The following AHCYL1 variants were observed in gnomAD, a reference collection of about 807,000 sequenced individuals.
AHCYL1 encodes adenosylhomocysteinase like 1.
In AHCYL1, 20 loss-of-function variants were observed where a neutral mutation model predicts 79.3. That is an observed-to-expected ratio of 0.25 (90% CI 0.18 to 0.37). AHCYL1 has a LOEUF of 0.37. Ranked by LOEUF, AHCYL1 falls within the 10% of genes least tolerant of loss-of-function variation. AHCYL1 has a pLI of 1.00. For synonymous variants in AHCYL1, 223 were observed against 242.2 expected, an observed-to-expected ratio of 0.92 and a Z score of 0.74; for missense variants, 330 against 673.6, an observed-to-expected ratio of 0.49 and a Z score of 5.65.
intron 1 of AHCYL1, 170 bp downstream of exon 1, chr1:109,985,342 C>A: frequency 3.0e-6 from 4 of 1,325,448 alleles, no homozygotes; most frequent in Non-Finnish European, 3.9e-6. Flanking sequence ...GCTGAAAGGC[C>A]GCCTCTGACC....
Position 110,023,321 on chromosome 1 carries a change from G to A in AHCYL1, c.*1641G>A, listed in dbSNP as rs1340722860. ...TTTACCCAATCCCTTCTTACTCCTT[G>A]CCAGTGTGACCATGCTTTCTTCTCT... On this transcript the variant is annotated 3_prime_UTR_variant, in exon 17 of 17. Transcript: ENST00000369799. The A allele has an allele frequency of 6.6e-6, 1 of 152,402 alleles. No individual in the cohort carries two copies. The highest frequency in any genetic ancestry group is 1.5e-5 in the Non-Finnish European group (1 of 68,030). The allele number at this position is 152,402 out of a possible 1,614,324, so 9.4% of individuals were successfully genotyped here.
intron 3 of AHCYL1, 23 bp downstream of exon 3, chr1:110,011,380 G>A (rs941172653): frequency 1.2e-6 from 2 of 1,611,504 alleles, no homozygotes; most frequent in Admixed American, 1.7e-5. Flanking sequence ...AGTGGGTTAG[G>A]GGACCAGAAA....
chr1:110,008,873 A>C (rs372799673), intron 1 of AHCYL1, among the ~76,000 whole-genome samples, 161 bp from the exon 2 acceptor site: 44 of 152,292 alleles, frequency 2.9e-4, no homozygotes, highest in African/African-American at 1.0e-3. Flanking sequence ...GAAGTCAGAG[A>C]GTAGCCTCGG....
At chr1:109,989,379 A>T (rs1347253367) in intron 1 of AHCYL1, among the ~76,000 whole-genome samples, 1 of 151,996 alleles carries the variant, frequency 6.6e-6, no homozygotes, top group Non-Finnish European at 1.5e-5. Flanking sequence ...ATTCTTTTTT[A>T]AAATTTATTT....
At chr1:110,001,042 G>A (rs1650282237) in intron 1 of AHCYL1, 3 of 804,092 alleles carry the variant, frequency 3.7e-6, no homozygotes, top group Non-Finnish European at 4.5e-6. Flanking sequence ...AAATCTTCAT[G>A]TAGTGCTATC....
intron 1 of AHCYL1, among the ~76,000 whole-genome samples, chr1:110,001,226 G>A (rs1005354697): frequency 4.2e-4 from 63 of 149,736 alleles, no homozygotes; most frequent in African/African-American, 1.5e-3. Context: ...TCGCTCTGTT[G>A]CCCAGGCGGG....
chr1:109,995,020 C>T (rs1368301214), intron 1 of AHCYL1, among the ~76,000 whole-genome samples: 1 of 152,058 alleles, frequency 6.6e-6, no homozygotes, highest in Non-Finnish European at 1.5e-5. Context: ...TTATTGCACC[C>T]CTTCCCCAAG....
chr1:110,004,500 G>A, intron 1 of AHCYL1: 5 of 985,316 alleles, frequency 5.1e-6, no homozygotes, highest in Non-Finnish European at 6.0e-6. Context: ...CCTTTCTTTG[G>A]GAAACACTTT....
intron 1 of AHCYL1, among the ~76,000 whole-genome samples, chr1:109,992,357 C>T (rs936915842): frequency 1.3e-5 from 2 of 149,410 alleles, no homozygotes; most frequent in Non-Finnish European, 3.0e-5. Flanking sequence ...TTGCAGTGAG[C>T]CAAGATCGCA....
intron 4 of AHCYL1, 89 bp downstream of exon 4, chr1:110,012,551 C>T: frequency 9.3e-7 from 1 of 1,077,558 alleles, no homozygotes; most frequent in Non-Finnish European, 1.3e-6. Context: ...CCTAACTCGC[C>T]AACCTCCAAA....
intron 1 of AHCYL1, chr1:110,003,820 TTCTG>T (rs765504005): frequency 4.5e-5 from 26 of 580,358 alleles, no homozygotes; most frequent in South Asian, 2.3e-4. Flanking sequence ...GGAAGCCCTT[TTCTG>T]TCCTACTTAC....
intron 1 of AHCYL1, among the ~76,000 whole-genome samples, chr1:110,002,102 AG>A (rs1650346634): frequency 6.6e-6 from 1 of 152,240 alleles, no homozygotes; most frequent in Non-Finnish European, 1.5e-5. Flanking sequence ...TTTTTAAAAA[AG>A]GTAATACTAA....
chr1:110,012,627 G>T (rs1651112523), intron 4 of AHCYL1, among the ~76,000 whole-genome samples, 165 bp downstream of exon 4: 1 of 150,894 alleles, frequency 6.6e-6, no homozygotes, highest in Non-Finnish European at 1.5e-5. Flanking sequence ...TTTTTAATAT[G>T]TAAACCCACT....
rs1473553928 is a variant in AHCYL1 at position 110,023,188 on chromosome 1, C to G, written c.*1508C>G. 6.6e-6 allele frequency: 1 copy of G among 152,592 alleles called. No homozygotes were observed. Among genetic ancestry groups the G allele is most frequent in the African/African-American group, 2.4e-5 (1 of 41,438 alleles). The allele number at this position is 152,592 out of a possible 1,614,324, so 9.5% of individuals were successfully genotyped here. On this transcript the variant is annotated 3_prime_UTR_variant, in exon 17 of 17. Coordinates refer to ENST00000369799, the MANE Select transcript of AHCYL1 (RefSeq NM_006621.7). ...TTCACTTTTCCACTGATCAGAGAGACAGACATTAAAAACAAAAATAGAAGA... is the reference window on the plus strand; with the variant it reads ...TTCACTTTTCCACTGATCAGAGAGAGAGACATTAAAAACAAAAATAGAAGA...
At chr1:110,016,818 C>A in intron 9 of AHCYL1, 88 bp downstream of exon 9, 1 of 1,482,710 alleles carries the variant, frequency 6.7e-7, no homozygotes, top group Non-Finnish European at 9.2e-7. Flanking sequence ...AATCTAGAGT[C>A]ACTGATACAA....
chr1:109,984,911 G>C lies in AHCYL1; in HGVS notation c.-142G>C. 1 of 1,284,224 alleles carries C rather than the reference G, an allele frequency of 7.8e-7. No individual in the cohort carries two copies. Among genetic ancestry groups the C allele is most frequent in the Non-Finnish European group, 9.9e-7 (1 of 1,007,928 alleles). The allele number at this position is 1,284,224 out of a possible 1,614,324, so 79.6% of individuals were successfully genotyped here. ...ACAAGGCGTGGGCCACAGCACCTCA[G>C]AAGCCGACGCAGCTCGACGCAGGGG... On this transcript the variant is annotated 5_prime_UTR_variant, in exon 1 of 17. Transcript: ENST00000369799.
chr1:110,019,203 A>G (rs1297182123), intron 14 of AHCYL1, 84 bp downstream of exon 14: 35 of 1,306,678 alleles, frequency 2.7e-5, no homozygotes, highest in Non-Finnish European at 3.4e-5. Flanking sequence ...GTACTGTACT[A>G]TGTTCTCATC....
At chr1:110,003,759 A>T (rs756760056) in intron 1 of AHCYL1, among the ~76,000 whole-genome samples, 1 of 152,218 alleles carries the variant, frequency 6.6e-6, no homozygotes, top group Non-Finnish European at 1.5e-5. Context: ...GCATTGAAAC[A>T]GTCTGGGTGT....
At chr1:110,011,998 C>T (rs1408276086) in intron 3 of AHCYL1, among the ~76,000 whole-genome samples, 2 of 152,198 alleles carry the variant, frequency 1.3e-5, no homozygotes, top group Admixed American at 1.3e-4. Flanking sequence ...GCTGAGGGTA[C>T]AGTCTTTCTG....
Sources: allele counts gnomAD v4.1 joint callset (sites outside exome capture counted in the v4.1 genomes callset), GRCh38; gene constraint gnomAD v4.1.1; transcripts MANE v1.5; gene names NCBI Gene and HGNC (gene_info 2026-07-23, HGNC 2026-07-21).